Variants in CNTNAP2 observed in about 807,000 individuals in gnomAD.
CNTNAP2 encodes contactin-associated protein-like 2.
A neutral mutation model predicts 155.2 loss-of-function variants in CNTNAP2; 98 were observed. The ratio of observed to expected loss-of-function variants is 0.63; its 90% confidence interval spans 0.54 to 0.75. The LOEUF (loss-of-function observed/expected upper bound fraction) is 0.75. Among genes scored for constraint, CNTNAP2 ranks in the 30% least tolerant of loss-of-function variants. The pLI, the probability that CNTNAP2 is intolerant of heterozygous loss-of-function variation, is 0.00. For synonymous variants in CNTNAP2, 651 were observed against 631.2 expected (o/e 1.03, Z -0.47); for missense variants, 1,727 against 1,688.1 (o/e 1.02, Z -0.40).
intron 8 of CNTNAP2, among the ~76,000 whole-genome samples, chr7:147,249,740 G>A (rs1804151002): frequency 6.6e-6 from 1 of 151,966 alleles, no homozygotes; most frequent in Admixed American, 6.6e-5. Flanking sequence ...ACTAGTCAGA[G>A]GTCATAATTG....
chr7:146,929,614 T>G lies in CNTNAP2; in HGVS notation c.402+89710T>G, dbSNP rs1043228238. On this transcript the variant is annotated intron_variant, in intron 3 of 23. Coordinates refer to ENST00000361727, the MANE Select transcript of CNTNAP2 (RefSeq NM_014141.6). ...GAATGACTTTGACGAGTTGAGAGAA[T>G]AAGGCTTCAGATGATCAAACTACTC... Among the ~76,000 whole-genome samples, 12 of 152,220 alleles carry G rather than the reference T, an allele frequency of 7.9e-5. No individual in the cohort carries two copies. In the South Asian group the frequency reaches 2.1e-3, roughly 26 times the overall value.
At chr7:148,111,243 G>A (rs76083867) in intron 15 of CNTNAP2, among the ~76,000 whole-genome samples, 1,666 of 152,266 alleles carry the variant, frequency 0.011, 21 homozygotes, top group South Asian at 0.042. Flanking sequence ...GGGTAGGGGT[G>A]GGTGGCAGGA....
intron 1 of CNTNAP2, among the ~76,000 whole-genome samples, chr7:146,163,276 C>A: frequency 6.6e-6 from 1 of 151,492 alleles, no homozygotes; most frequent in East Asian, 1.9e-4. Context: ...AAAATATCAT[C>A]TAAAAGGAAA....
intron 13 of CNTNAP2, among the ~76,000 whole-genome samples, chr7:147,771,740 C>T (rs899739168): frequency 6.6e-6 from 1 of 152,042 alleles, no homozygotes; most frequent in Non-Finnish European, 1.5e-5. Flanking sequence ...AAGTCAGATG[C>T]GGTCTTAACC....
intron 10 of CNTNAP2, among the ~76,000 whole-genome samples, chr7:147,450,670 A>G (rs117441076): frequency 0.016 from 2,405 of 152,318 alleles, 26 homozygotes; most frequent in Middle Eastern, 0.031. Context: ...CTATGTAAAA[A>G]TCTACAAGTC....
intron 13 of CNTNAP2, among the ~76,000 whole-genome samples, chr7:147,881,737 G>A (rs566603689): frequency 6.6e-5 from 10 of 152,280 alleles, no homozygotes; most frequent in South Asian, 2.1e-4. Flanking sequence ...TTGGGAGGCC[G>A]AGGCTGGCAG....
intron 8 of CNTNAP2, among the ~76,000 whole-genome samples, chr7:147,165,217 T>A (rs935076681): frequency 1.3e-5 from 2 of 152,168 alleles, no homozygotes; most frequent in African/African-American, 4.8e-5. Context: ...GGTATTGCAT[T>A]GTGGTTTTGA....
chr7:146,765,559 A>G (rs1802180055), intron 1 of CNTNAP2, among the ~76,000 whole-genome samples: 1 of 152,170 alleles, frequency 6.6e-6, no homozygotes, highest in Non-Finnish European at 1.5e-5. Context: ...ATGCTGCATG[A>G]CAGATTTTGA....
At chr7:148,107,006 A>G (rs562968535) in intron 15 of CNTNAP2, among the ~76,000 whole-genome samples, 3 of 152,130 alleles carry the variant, frequency 2.0e-5, no homozygotes, top group African/African-American at 7.2e-5. Context: ...ATAGCCCCCC[A>G]AATGAAAAGT....
In CNTNAP2 at chr7:147,034,600, G is replaced by T. The variant is rs982577085; in HGVS notation, c.403-9307G>T. Reference sequence around the variant, plus strand: ...AGAGCTTTCTGTACCCTGGGTTCTTGCCTTGGTGTATCAGAAAAATCGGAT... The same window carrying T: ...AGAGCTTTCTGTACCCTGGGTTCTTTCCTTGGTGTATCAGAAAAATCGGAT... On this transcript the variant is annotated intron_variant, in intron 3 of 23. Coordinates refer to ENST00000361727, the MANE Select transcript of CNTNAP2 (RefSeq NM_014141.6). Among the ~76,000 whole-genome samples, 3 of 152,278 alleles carry T rather than the reference G, an allele frequency of 2.0e-5. No homozygotes were observed. In the East Asian group the frequency reaches 5.8e-4, roughly 29 times the overall value.
At chr7:146,119,359 C>G (rs1797531009) in intron 1 of CNTNAP2, among the ~76,000 whole-genome samples, 1 of 152,060 alleles carries the variant, frequency 6.6e-6, no homozygotes, top group South Asian at 2.1e-4. Flanking sequence ...TGACTTATTT[C>G]TTTTTCTCTG....
At chr7:146,250,176 C>T (rs1209751993) in intron 1 of CNTNAP2, among the ~76,000 whole-genome samples, 2 of 152,164 alleles carry the variant, frequency 1.3e-5, no homozygotes, top group Non-Finnish European at 2.9e-5. Context: ...TAAATTTCAG[C>T]AGCTATTAAA....
chr7:147,485,708 C>T (rs561195225), intron 10 of CNTNAP2, among the ~76,000 whole-genome samples: 2 of 152,268 alleles, frequency 1.3e-5, no homozygotes, highest in South Asian at 4.1e-4. Flanking sequence ...TTAGTGTCTA[C>T]TGTTTACTCA....
chr7:147,104,710 A>G (rs977434562), intron 4 of CNTNAP2, among the ~76,000 whole-genome samples: 2 of 150,584 alleles, frequency 1.3e-5, no homozygotes, highest in Non-Finnish European at 3.0e-5. Context: ...GTCTTTTATT[A>G]AGATTAATAA....
At chr7:146,487,404 C>T (rs1463151719) in intron 1 of CNTNAP2, among the ~76,000 whole-genome samples, 1 of 152,174 alleles carries the variant, frequency 6.6e-6, no homozygotes, top group Admixed American at 6.5e-5. Context: ...ACATATGTCT[C>T]GTAGTTGACA....
chr7:146,318,591 CTG>C (rs1800948902), intron 1 of CNTNAP2, among the ~76,000 whole-genome samples: 1 of 152,098 alleles, frequency 6.6e-6, no homozygotes, highest in Non-Finnish European at 1.5e-5. Context: ...TACAAACACT[CTG>C]TGTTTGGAAA....
chr7:147,079,231 G>A (rs1800063812), intron 4 of CNTNAP2, among the ~76,000 whole-genome samples: 2 of 152,072 alleles, frequency 1.3e-5, no homozygotes, highest in African/African-American at 4.8e-5. Context: ...TCCCCATTTA[G>A]TAGGAAAACT....
chr7:147,930,612 A>G (rs1178078295), intron 14 of CNTNAP2, among the ~76,000 whole-genome samples: 1 of 152,236 alleles, frequency 6.6e-6, no homozygotes, highest in African/African-American at 2.4e-5. Flanking sequence ...AAAGAAATAC[A>G]ATATTAGAAG....
intron 3 of CNTNAP2, among the ~76,000 whole-genome samples, chr7:146,943,795 C>T (rs1797103058): frequency 2.0e-5 from 3 of 152,218 alleles, no homozygotes; most frequent in South Asian, 2.1e-4. Flanking sequence ...ATAAGAACTA[C>T]AGGAGAACTG....
Sources: gnomAD v4.1 joint callset for allele counts (sites outside exome capture counted in the v4.1 genomes callset) on GRCh38, gnomAD v4.1.1 for gene constraint, MANE v1.5 for transcripts, NCBI Gene and HGNC (gene_info 2026-07-23, HGNC 2026-07-21) for gene names.